The following SLC9C1 variants were observed in gnomAD, a reference collection of about 807,000 sequenced individuals.
The protein encoded by SLC9C1 is sodium/hydrogen exchanger 10.
A neutral mutation model predicts 140.9 loss-of-function variants in SLC9C1; 97 were observed. The ratio of observed to expected loss-of-function variants is 0.69; its 90% CI spans 0.58 to 0.82. The LOEUF is 0.82. SLC9C1 is among the 40% of genes least tolerant of loss of function. The pLI is 0.00. For synonymous variants in SLC9C1, 440 were observed against 442.6 expected (o/e 0.99, Z 0.07); for missense variants, 1,340 against 1,389.3 (o/e 0.96, Z 0.56).
intron 1 of SLC9C1, among the ~76,000 whole-genome samples, chr3:112,287,323 T>C (rs2080539150): frequency 6.6e-6 from 1 of 152,220 alleles, no homozygotes; most frequent in African/African-American, 2.4e-5. Flanking sequence ...CAGGGAAGAA[T>C]ATTTGGATCT....
intron 13 of SLC9C1, among the ~76,000 whole-genome samples, chr3:112,227,025 ATCATT>A (rs2078700254): frequency 6.6e-6 from 1 of 152,124 alleles, no homozygotes; most frequent in Non-Finnish European, 1.5e-5. Context: ...AATTCAAGCT[ATCATT>A]ACAGACTATT....
intron 15 of SLC9C1, 68 bp from the exon 16 acceptor site, chr3:112,208,441 T>A: frequency 8.8e-7 from 1 of 1,132,156 alleles, no homozygotes; most frequent in African/African-American, 1.6e-5. Context: ...ATATACTCAT[T>A]TCTGTTCTAC....
rs762588495 is a variant in SLC9C1, at chr3:112,244,001, T to C, written c.1273A>G (p.Ile425Val). The C allele has an allele frequency of 1.9e-6, 3 of 1,599,752 alleles. No individual in the cohort carries two copies. The highest frequency in any genetic ancestry group is 2.2e-5 in the East Asian group (1 of 44,610). The change falls in exon 11 of 29, where the codon ATA (isoleucine) becomes GTA (valine). Residue 425 changes from isoleucine (I) to valine (V), a missense_variant. Ile to Val is a conservative substitution (Grantham distance 29, BLOSUM62 3). Transcript: ENST00000305815. ...NRFILPVAVTILGLRDATSTK... is the reference protein window; with the variant it reads ...NRFILPVAVTVLGLRDATSTK... ...AGTAACTGTTAGGGCTTACCTAGTA[T>C]AGTAACTGCCACTGGCAAAATAAAT...
intron 11 of SLC9C1, among the ~76,000 whole-genome samples, chr3:112,241,935 T>C (rs2108222769): frequency 6.6e-6 from 1 of 152,264 alleles, no homozygotes. Flanking sequence ...TTTCACTATA[T>C]ACAAAAATTT....
At chr3:112,253,760 G>A (rs1023216972) in intron 10 of SLC9C1, among the ~76,000 whole-genome samples, 17 of 152,148 alleles carry the variant, frequency 1.1e-4, no homozygotes, top group African/African-American at 3.9e-4. Context: ...CTCCGACATG[G>A]GTTCTTAACC....
At chr3:112,262,596 T>A (rs1426932825) in intron 10 of SLC9C1, among the ~76,000 whole-genome samples, 2 of 151,994 alleles carry the variant, frequency 1.3e-5, no homozygotes, top group Non-Finnish European at 2.9e-5. Flanking sequence ...CTCAGAAAGT[T>A]ACAGAAGGTA....
intron 26 of SLC9C1, among the ~76,000 whole-genome samples, chr3:112,164,827 A>G (rs1362060322): frequency 6.6e-6 from 1 of 152,134 alleles, no homozygotes; most frequent in Non-Finnish European, 1.5e-5. Context: ...CTGCCCTGCT[A>G]GATTGGGGAA....
intron 1 of SLC9C1, among the ~76,000 whole-genome samples, chr3:112,287,534 T>A (rs915321701): frequency 1.3e-5 from 2 of 152,196 alleles, no homozygotes; most frequent in Non-Finnish European, 2.9e-5. Flanking sequence ...TATTTCTTTG[T>A]TACTTCTTGG....
chr3:112,239,964 C>A lies in SLC9C1; in HGVS notation c.1322G>T (p.Cys441Phe). ...TAGCTCTTGAAAGTGTTGAAATGTGCAACAAACCGATTTATATTTTGTTGA... is the reference window on the plus strand; with the variant it reads ...TAGCTCTTGAAAGTGTTGAAATGTGAAACAAACCGATTTATATTTTGTTGA... ...ATSTKYKSVC[C>F]TFQHFQELTK... Residue 441 changes from cysteine (C) to phenylalanine (F), a missense_variant, in exon 12 of 29, where the codon TGC becomes TTC. By Grantham distance (205) the Cys-to-Phe change is radical (BLOSUM62 -2). Coordinates refer to ENST00000305815, the MANE Select transcript of SLC9C1 (RefSeq NM_183061.3). 6.2e-7 allele frequency: 1 copy of A among 1,612,742 alleles called. No homozygotes were observed. Among genetic ancestry groups the A allele is most frequent in the Non-Finnish European group, 8.5e-7 (1 of 1,179,632 alleles).
At chr3:112,234,774 G>A (rs1256861218) in intron 12 of SLC9C1, among the ~76,000 whole-genome samples, 1 of 152,152 alleles carries the variant, frequency 6.6e-6, no homozygotes, top group Admixed American at 6.5e-5. Context: ...GTTTGTCAAA[G>A]ATCAGATAGT....
At chr3:112,153,744 T>G (rs972596345) in intron 27 of SLC9C1, among the ~76,000 whole-genome samples, 1 of 152,194 alleles carries the variant, frequency 6.6e-6, no homozygotes, top group African/African-American at 2.4e-5. Flanking sequence ...TTAAAAAATT[T>G]GCCGAAGGTC....
At chr3:112,271,351 A>G (rs2080067337) in intron 6 of SLC9C1, among the ~76,000 whole-genome samples, 2 of 145,006 alleles carry the variant, frequency 1.4e-5, no homozygotes, top group Non-Finnish European at 3.0e-5. Context: ...ATTATAGTTA[A>G]ATGAGGTGAC....
intron 10 of SLC9C1, among the ~76,000 whole-genome samples, chr3:112,244,636 T>C (rs2079229527): frequency 2.0e-5 from 3 of 152,212 alleles, no homozygotes; most frequent in Admixed American, 2.0e-4. Context: ...GATATCTTTA[T>C]CTACTTGTAT....
chr3:112,250,782 T>C (rs76167352), intron 10 of SLC9C1, among the ~76,000 whole-genome samples: 3,741 of 152,278 alleles, frequency 0.025, 60 homozygotes, highest in Non-Finnish European at 0.034. Flanking sequence ...GGGACAGTTA[T>C]ATACTGCTGG....
At position 112,141,218 on chromosome 3, in the gene SLC9C1, A is replaced by G; in HGVS notation, c.*54T>C. On this transcript the variant is annotated 3_prime_UTR_variant, in exon 29 of 29. Transcript: ENST00000305815. ...ATGTAGGGAAGTGTGTTTCTGCAGC[A>G]GGAGGCCTCTCATAGCCACAGCATT... 6.6e-7 allele frequency: 1 copy of G among 1,508,012 alleles called. No individual in the cohort carries two copies. Among genetic ancestry groups the G allele is most frequent in the Admixed American group, 2.2e-5 (1 of 45,878 alleles). 93.4% of individuals were successfully genotyped at this position (1,508,012 alleles called of 1,614,324 possible).
chr3:112,291,915 C>G (rs956036115), intron 1 of SLC9C1, among the ~76,000 whole-genome samples: 1 of 152,200 alleles, frequency 6.6e-6, no homozygotes, highest in African/African-American at 2.4e-5. Flanking sequence ...GGCACATATA[C>G]ACCATGAAAT....
At chr3:112,229,010 C>A (rs1425766943) in intron 13 of SLC9C1, among the ~76,000 whole-genome samples, 16 of 152,028 alleles carry the variant, frequency 1.1e-4, no homozygotes. Flanking sequence ...GAATAAAATG[C>A]TTTCATTTGT....
intron 28 of SLC9C1, among the ~76,000 whole-genome samples, chr3:112,150,809 TAAATACATATAC>T (rs771414764): frequency 0.31 from 30,122 of 98,596 alleles, 4,164 homozygotes; most frequent in East Asian, 0.47. Context: ...TATATATATA[TAAATACATATAC>T]ATATATATAT....
chr3:112,163,630 TGAGA>T (rs1451233097), intron 26 of SLC9C1, among the ~76,000 whole-genome samples: 1 of 151,992 alleles, frequency 6.6e-6, no homozygotes, highest in African/African-American at 2.4e-5. Flanking sequence ...CACTGTGGTC[TGAGA>T]GACAGTTTGT....
Sources: gnomAD v4.1 joint callset for allele counts (sites outside exome capture counted in the v4.1 genomes callset) on GRCh38, gnomAD v4.1.1 for gene constraint, MANE v1.5 for transcripts, NCBI Gene and HGNC (gene_info 2026-07-23, HGNC 2026-07-21) for gene names.